The following ARMCX4 variants were observed in gnomAD, a reference collection of about 807,000 sequenced individuals.
ARMCX4 encodes armadillo repeat-containing X-linked protein 4.
Under a neutral mutation model 34.7 loss-of-function variants are expected in ARMCX4, and 3 were observed. That is an observed-to-expected ratio of 0.09 (90% CI 0.04 to 0.22). The LOEUF is 0.22. ARMCX4 is among the 10% of genes least tolerant of loss of function. The probability of loss-of-function intolerance (pLI) is 1.00; values close to 1 mark genes in which losing one functional copy is unlikely to be tolerated. For missense variants in ARMCX4, 1,448 were observed against 1,720.8 expected (o/e 0.84, Z 2.81); for synonymous variants, 513 against 632.8 (o/e 0.81, Z 2.84).
chrX:101,514,850 C>T (rs1934672210), intron 11 of ARMCX4, among the ~76,000 whole-genome samples: 1 of 111,664 alleles, frequency 9.0e-6, no homozygotes, highest in African/African-American at 3.3e-5. Flanking sequence ...GAAGGGCTGT[C>T]TTTACTGGCA....
chrX:101,528,660 A>G (rs1205488234), intron 11 of ARMCX4, among the ~76,000 whole-genome samples: 3 of 111,764 alleles, frequency 2.7e-5, no homozygotes, highest in Non-Finnish European at 3.8e-5. Context: ...TCAATGTGCA[A>G]AAATCATAAG....
intron 2 of ARMCX4, among the ~76,000 whole-genome samples, chrX:101,434,024 C>A (rs1555993461): frequency 9.2e-6 from 1 of 108,370 alleles, no homozygotes; most frequent in African/African-American, 3.4e-5. Flanking sequence ...TGGCTCACTG[C>A]AACCTCTGTC....
At chrX:101,429,133 C>T (rs782621219) in intron 2 of ARMCX4, among the ~76,000 whole-genome samples, 31 of 110,380 alleles carry the variant, frequency 2.8e-4, no homozygotes, top group African/African-American at 9.9e-4. Context: ...TTGCTGGAAT[C>T]ACAGGCATGA....
intron 4 of ARMCX4, among the ~76,000 whole-genome samples, chrX:101,471,898 G>A (rs1230488653): frequency 7.4e-5 from 8 of 108,026 alleles, no homozygotes; most frequent in African/African-American, 1.7e-4. Flanking sequence ...AACGCAGAGC[G>A]CCTCTCCTCC....
intron 4 of ARMCX4, among the ~76,000 whole-genome samples, chrX:101,459,687 A>G (rs1603163321): frequency 8.9e-6 from 1 of 112,222 alleles, no homozygotes; most frequent in Admixed American, 9.5e-5. Flanking sequence ...AGGAAATGGC[A>G]TAGGGATTTT....
chrX:101,480,009 G>T (rs1336100751), intron 4 of ARMCX4, among the ~76,000 whole-genome samples: 4 of 109,825 alleles, frequency 3.6e-5, no homozygotes, highest in African/African-American at 6.6e-5. Flanking sequence ...AAACAGAAAA[G>T]TCAATCGATG....
At chrX:101,504,601 T>C (rs1556014677) in intron 7 of ARMCX4, among the ~76,000 whole-genome samples, 2 of 110,854 alleles carry the variant, frequency 1.8e-5, no homozygotes, top group Non-Finnish European at 3.8e-5. Flanking sequence ...TTTGGAGAGA[T>C]AGCTGGTCTT....
rs1556010271 is a variant in ARMCX4 at position 101,493,310 on chromosome X, C to G, written c.4721C>G (p.Pro1574Arg). ...GATCAGGCTGGTGGTTGTTCCAAACCTGGATTTGAGGATCAGGCCATTGGA... is the reference window on the plus strand; with the variant it reads ...GATCAGGCTGGTGGTTGTTCCAAACGTGGATTTGAGGATCAGGCCATTGGA... ...AVDQAGGCSK[P>R]GFEDQAIGGG... The change falls in exon 6 of 6, where the codon CCT becomes CGT. Residue 1574 changes from proline (P) to arginine (R), a missense_variant. By Grantham distance (103) the Pro-to-Arg change is moderately radical. Around this residue, in one of 2 missense-constraint regions of ARMCX4, gnomAD observed 1,343 missense variants for 1,540.7 expected, o/e 0.87. Transcript: ENST00000423738. 6.1e-6 allele frequency: 7 copies of G among 1,153,635 alleles called. No individual in the cohort carries two copies. The highest frequency in any genetic ancestry group is 5.7e-6 in the Non-Finnish European group (5 of 872,444).
At chrX:101,441,063 C>T (rs1181438538) in intron 2 of ARMCX4, among the ~76,000 whole-genome samples, 2 of 111,116 alleles carry the variant, frequency 1.8e-5, no homozygotes, top group Non-Finnish European at 3.8e-5. Context: ...CTTCTGCGTC[C>T]CTCACGCTGG....
chrX:101,530,528 GA>G (rs1199287481), intron 11 of ARMCX4, among the ~76,000 whole-genome samples: 81 of 111,232 alleles, frequency 7.3e-4, no homozygotes, highest in Non-Finnish European at 1.4e-3. Context: ...ATAAAAAAAA[GA>G]AAAAAATTTT....
chrX:101,418,621 T>C (rs1165567329), intron 1 of ARMCX4, among the ~76,000 whole-genome samples: 1 of 110,509 alleles, frequency 9.0e-6, no homozygotes, highest in Non-Finnish European at 1.9e-5. Flanking sequence ...GCGTCTGGCC[T>C]GTGCCGGACG....
chrX:101,528,705 C>T (rs1556021291), intron 11 of ARMCX4, among the ~76,000 whole-genome samples: 1 of 110,930 alleles, frequency 9.0e-6, no homozygotes, highest in Non-Finnish European at 1.9e-5. Flanking sequence ...AAACAGAGAG[C>T]CAAATCATGA....
At chrX:101,510,319 C>T (rs954757576) in intron 10 of ARMCX4, among the ~76,000 whole-genome samples, 5 of 111,845 alleles carry the variant, frequency 4.5e-5, no homozygotes, top group Non-Finnish European at 9.4e-5. Context: ...CATTTTACAG[C>T]TGCATAATCT....
chrX:101,476,135 T>C (rs1239825977), intron 4 of ARMCX4, among the ~76,000 whole-genome samples: 3 of 109,974 alleles, frequency 2.7e-5, no homozygotes, highest in African/African-American at 9.9e-5. Flanking sequence ...GTGGAAAGAG[T>C]ACTCATAGGG....
At chrX:101,458,509 T>TC (rs782097838) in intron 4 of ARMCX4, among the ~76,000 whole-genome samples, 7,205 of 103,681 alleles carry the variant, frequency 0.069, 304 homozygotes, top group South Asian at 0.24. Flanking sequence ...TAATTCAATA[T>TC]CCCCCCCCTT....
chrX:101,476,082 G>A (rs1556004187), intron 4 of ARMCX4, among the ~76,000 whole-genome samples: 1 of 110,697 alleles, frequency 9.0e-6, no homozygotes, highest in Non-Finnish European at 1.9e-5. Flanking sequence ...ATTAGAACAT[G>A]CTTATTCAAG....
Position 101,492,187 on chromosome X carries a change from G to A in ARMCX4, c.3598G>A (p.Gly1200Arg). The A allele has an allele frequency of 8.7e-7, 1 of 1,148,080 alleles. No homozygotes were observed. Among genetic ancestry groups the A allele is most frequent in the African/African-American group, 1.8e-5 (1 of 55,655 alleles). The allele number at this position is 1,148,080 out of a possible 1,213,427, so 94.6% of individuals were successfully genotyped here. The change falls in exon 6 of 6, where the codon GGG becomes AGG. Residue 1200 changes from glycine to arginine, a missense_variant. Physicochemically the swap from Gly to Arg is moderately radical, Grantham distance 125. Coordinates refer to ENST00000423738, the MANE Select transcript of ARMCX4 (RefSeq NM_001256155.3). ...CTGGGCTGGGGGTCAGACTAGTGAG[G>A]GGACCTGGGCTGGGGACAAGGCCAG... ...GLWAGGQTSE[G>R]TWAGDKASGG...
Position 101,489,801 on chromosome X carries a change from T to A in ARMCX4, c.1212T>A (p.Ala404=). The A allele has an allele frequency of 2.6e-6, 3 of 1,156,043 alleles. No homozygotes were observed. The highest frequency in any genetic ancestry group is 3.4e-6 in the Non-Finnish European group (3 of 872,900). ...ADMRAAAQPQ[A]VASTHAEAMS... is the part of the protein sequence containing the mutation. ...TGAGAGCTGCTGCTCAGCCTCAAGCTGTTGCCAGTACTCACGCTGAGGCCA... is the reference window on the plus strand; with the variant it reads ...TGAGAGCTGCTGCTCAGCCTCAAGCAGTTGCCAGTACTCACGCTGAGGCCA... The change falls in exon 6 of 6, where the codon GCT becomes GCA. Residue 404 remains alanine, a synonymous_variant. Coordinates refer to ENST00000423738, the MANE Select transcript of ARMCX4 (RefSeq NM_001256155.3).
At position 101,468,400 on chromosome X, in the gene ARMCX4, T is replaced by C. The variant is rs782418121; in HGVS notation, c.-472-17623T>C. ...CGGCCTTCCTGGGTCCAGGTGATCCTCCTGCCTCAGCCTCTCAAGTAGCTG... is the reference window on the plus strand; with the variant it reads ...CGGCCTTCCTGGGTCCAGGTGATCCCCCTGCCTCAGCCTCTCAAGTAGCTG... On this transcript the variant is annotated intron_variant and NMD_transcript_variant, in intron 4 of 15. Transcript: ENST00000433011. Among the ~76,000 whole-genome samples, 3 of 109,092 alleles carry C rather than the reference T, an allele frequency of 2.7e-5. No individual in the cohort carries two copies. In the East Asian group the frequency reaches 8.7e-4, roughly 32 times the overall value. 94.7% of individuals were successfully genotyped at this position (109,092 alleles called of 115,157 possible).
Sources: allele counts gnomAD v4.1 joint callset (sites outside exome capture counted in the v4.1 genomes callset), GRCh38; gene constraint gnomAD v4.1.1; regional missense constraint gnomAD v4.1.1; transcripts MANE v1.5; gene names NCBI Gene and HGNC (gene_info 2026-07-23, HGNC 2026-07-21).